CADM2: variants seen among roughly 807,000 people sequenced by gnomAD.
The protein encoded by CADM2 is immunoglobulin superfamily member 4D.
Under a neutral mutation model 49.8 loss-of-function variants are expected in CADM2, and 12 were observed. The observed-to-expected ratio is 0.24, with a 90% CI of 0.15 to 0.39. The LOEUF (loss-of-function observed/expected upper bound fraction) is 0.39, where lower values mean the gene tolerates loss of function less well. CADM2 is among the 10% of genes least tolerant of loss of function. The pLI is 1.00. For missense variants in CADM2, 378 were observed against 492.3 expected (o/e 0.77, Z 2.20); for synonymous variants, 214 against 175.4 (o/e 1.22, Z -1.74).
At chr3:85,067,176 ATAAT>A (rs2036556788) in intron 1 of CADM2, among the ~76,000 whole-genome samples, 1 of 152,130 alleles carries the variant, frequency 6.6e-6, no homozygotes, top group African/African-American at 2.4e-5. Context: ...CTGAATGTTC[ATAAT>A]ATTAAATATT....
At chr3:85,235,696 C>T (rs888172272) in intron 1 of CADM2, among the ~76,000 whole-genome samples, 5 of 152,024 alleles carry the variant, frequency 3.3e-5, no homozygotes, top group Admixed American at 1.3e-4. Flanking sequence ...TTTGAAGTGT[C>T]GTCTCCCATT....
intron 7 of CADM2, among the ~76,000 whole-genome samples, chr3:85,960,355 T>G (rs1481497617): frequency 6.6e-6 from 1 of 151,898 alleles, no homozygotes; most frequent in Non-Finnish European, 1.5e-5. Flanking sequence ...TCTATCAAAT[T>G]TAACAAAGCT....
At chr3:85,842,934 A>G (rs2108267820) in intron 3 of CADM2, among the ~76,000 whole-genome samples, 1 of 152,264 alleles carries the variant, frequency 6.6e-6, no homozygotes, top group Middle Eastern at 3.4e-3. Context: ...ATTTAAAAAG[A>G]TACACAATTG....
intron 3 of CADM2, among the ~76,000 whole-genome samples, chr3:85,830,051 T>C (rs2074116285): frequency 6.6e-6 from 1 of 151,956 alleles, no homozygotes; most frequent in African/African-American, 2.4e-5. Context: ...TGCTGACCCA[T>C]AGGGTAGTTT....
intron 1 of CADM2, among the ~76,000 whole-genome samples, chr3:85,285,675 A>G (rs1335111021): frequency 1.3e-5 from 2 of 152,078 alleles, no homozygotes; most frequent in African/African-American, 2.4e-5. Context: ...ACAGAATTTA[A>G]GTAGCAAATA....
At chr3:85,371,577 T>C (rs1366726797) in intron 1 of CADM2, among the ~76,000 whole-genome samples, 2 of 149,778 alleles carry the variant, frequency 1.3e-5, no homozygotes, top group Non-Finnish European at 3.0e-5. Flanking sequence ...AAGTATGCAA[T>C]TTTCAGAACC....
chr3:85,640,193 A>C (rs12489307), intron 1 of CADM2, among the ~76,000 whole-genome samples: 1 of 152,014 alleles, frequency 6.6e-6, no homozygotes, highest in Non-Finnish European at 1.5e-5. Context: ...TTGCAGTCAT[A>C]TGCTTATTTC....
At chr3:85,174,777 G>T (rs1242504892) in intron 1 of CADM2, among the ~76,000 whole-genome samples, 1 of 152,088 alleles carries the variant, frequency 6.6e-6, no homozygotes, top group Admixed American at 6.6e-5. Context: ...AAGGAAAGGG[G>T]AAGATAGAAG....
intron 1 of CADM2, among the ~76,000 whole-genome samples, chr3:85,172,208 G>A: frequency 6.6e-6 from 1 of 152,218 alleles, no homozygotes; most frequent in Non-Finnish European, 1.5e-5. Flanking sequence ...GTGAGCCCCA[G>A]TTTCTATTCT....
At chr3:85,351,602 G>A (rs1187424275) in intron 1 of CADM2, among the ~76,000 whole-genome samples, 1 of 152,088 alleles carries the variant, frequency 6.6e-6, no homozygotes, top group African/African-American at 2.4e-5. Flanking sequence ...GACCTGACAA[G>A]AGTGTGCCTC....
At position 85,133,228 on chromosome 3, in the gene CADM2, G is replaced by C. The variant is rs570522432; in HGVS notation, c.61+173560G>C. On this transcript the variant is annotated intron_variant, in intron 1 of 9. Coordinates refer to ENST00000383699, the MANE Select transcript of CADM2 (RefSeq NM_001167675.2). ...AGTGAAAGAACAAAGCTTCCACAGTGTGGATGGGGACCCCAGAGGTTTGCC... is the reference window on the plus strand; with the variant it reads ...AGTGAAAGAACAAAGCTTCCACAGTCTGGATGGGGACCCCAGAGGTTTGCC... Among the ~76,000 whole-genome samples the C allele has an allele frequency of 7.2e-5, 11 of 152,316 alleles. No homozygotes were observed. In the South Asian group the frequency reaches 2.1e-3, roughly 29 times the overall value.
chr3:84,974,756 A>G (rs1378372862), intron 1 of CADM2, among the ~76,000 whole-genome samples: 1 of 151,986 alleles, frequency 6.6e-6, no homozygotes, highest in Non-Finnish European at 1.5e-5. Context: ...CTAAGAAGCA[A>G]GATATATCAC....
At chr3:85,010,309 A>G (rs1227954711) in intron 1 of CADM2, among the ~76,000 whole-genome samples, 3 of 152,218 alleles carry the variant, frequency 2.0e-5, no homozygotes, top group Non-Finnish European at 4.4e-5. Context: ...CCAATCTCAC[A>G]AGACAAGAAA....
At chr3:85,898,956 T>TATATATATATATATATATGTA (rs58838667) in intron 5 of CADM2, among the ~76,000 whole-genome samples, 1 of 21,912 alleles carries the variant, frequency 4.6e-5, no homozygotes, top group African/African-American at 1.6e-4. Flanking sequence ...TATATATATA[T>TATATATATATATATATATGTA]TTTTTTTTTT....
chr3:86,054,102 C>G (rs9830630), intron 8 of CADM2, among the ~76,000 whole-genome samples: 35,293 of 151,530 alleles, frequency 0.23, 4,538 homozygotes, highest in African/African-American at 0.34. Flanking sequence ...TAACTTAGTA[C>G]ATGAAAAAGC....
intron 1 of CADM2, among the ~76,000 whole-genome samples, chr3:84,982,702 C>CATATATATATATATAT (rs71104999): frequency 8.0e-4 from 61 of 76,312 alleles, no homozygotes; most frequent in Non-Finnish European, 8.5e-4. Flanking sequence ...AACTATAAAG[C>CATATATATATATATAT]ATATATATAT....
chr3:86,020,700 T>G (rs1248205780), intron 8 of CADM2, among the ~76,000 whole-genome samples: 2 of 152,084 alleles, frequency 1.3e-5, no homozygotes, highest in Non-Finnish European at 2.9e-5. Context: ...AATCAATAAA[T>G]GTAATCCAGC....
chr3:85,471,515 A>T (rs1309523993), intron 1 of CADM2, among the ~76,000 whole-genome samples: 1 of 152,072 alleles, frequency 6.6e-6, no homozygotes, highest in African/African-American at 2.4e-5. Flanking sequence ...GACTCAAAAT[A>T]AAAGGCAGAA....
chr3:85,243,797 G>A (rs2042586543), intron 1 of CADM2, among the ~76,000 whole-genome samples: 1 of 151,914 alleles, frequency 6.6e-6, no homozygotes, highest in African/African-American at 2.4e-5. Flanking sequence ...CGTCTTTATG[G>A]ACTTTTCATG....
Sources: gnomAD v4.1 joint callset for allele counts (sites outside exome capture counted in the v4.1 genomes callset) on GRCh38, gnomAD v4.1.1 for gene constraint, MANE v1.5 for transcripts, NCBI Gene and HGNC (gene_info 2026-07-23, HGNC 2026-07-21) for gene names.